FSTL5: variants seen among roughly 807,000 people sequenced by gnomAD.
FSTL5 encodes follistatin like 5, also known as follistatin-related protein 5.
In FSTL5, 62 loss-of-function variants were observed where a neutral mutation model predicts 89.1. The ratio of observed to expected loss-of-function variants is 0.70; its 90% CI spans 0.57 to 0.86. The LOEUF (loss-of-function observed/expected upper bound fraction) is 0.86. Ranked by LOEUF, FSTL5 falls within the 40% of genes least tolerant of loss-of-function variation. The probability of loss-of-function intolerance (pLI) is 0.00; values close to 1 mark genes in which losing one functional copy is unlikely to be tolerated. For missense variants in FSTL5, 1,057 were observed against 1,001.6 expected (o/e 1.06, Z -0.75); for synonymous variants, 383 against 346.2 (o/e 1.11, Z -1.18).
At chr4:161,868,897 T>A (rs2126897835) in intron 4 of FSTL5, among the ~76,000 whole-genome samples, 1 of 152,264 alleles carries the variant, frequency 6.6e-6, no homozygotes, top group East Asian at 1.9e-4. Flanking sequence ...ATATACTAAG[T>A]CATCTAATGC....
chr4:161,463,753 G>A (rs992230614), intron 13 of FSTL5, among the ~76,000 whole-genome samples: 11 of 152,144 alleles, frequency 7.2e-5, no homozygotes, highest in African/African-American at 2.2e-4. Flanking sequence ...TTTGTCACAA[G>A]TGTTGAAATG....
chr4:161,561,103 A>G (rs954446831), intron 8 of FSTL5, among the ~76,000 whole-genome samples: 2 of 151,948 alleles, frequency 1.3e-5, no homozygotes, highest in Admixed American at 1.3e-4. Flanking sequence ...GGAATATTTC[A>G]GCTCCATTAT....
chr4:161,692,635 C>T (rs943446883), intron 6 of FSTL5, among the ~76,000 whole-genome samples: 2 of 152,090 alleles, frequency 1.3e-5, no homozygotes, highest in Non-Finnish European at 2.9e-5. Flanking sequence ...GGGGACAACC[C>T]TATGAGGAGG....
chr4:162,161,448 A>C (rs1733691447), intron 1 of FSTL5, among the ~76,000 whole-genome samples: 1 of 151,952 alleles, frequency 6.6e-6, no homozygotes, highest in Non-Finnish European at 1.5e-5. Flanking sequence ...CTAAAAGTGT[A>C]GAAAAATCAG....
At chr4:161,450,843 A>G (rs969051635) in intron 15 of FSTL5, among the ~76,000 whole-genome samples, 13 of 149,328 alleles carry the variant, frequency 8.7e-5, no homozygotes, top group African/African-American at 3.2e-4. Flanking sequence ...TCCCAGGTTC[A>G]TGGCATTCTC....
chr4:161,754,049 A>AAAAAAG (rs1397363559), intron 6 of FSTL5, among the ~76,000 whole-genome samples: 1 of 150,266 alleles, frequency 6.7e-6, no homozygotes, highest in East Asian at 1.9e-4. Flanking sequence ...CTCAATTAAA[A>AAAAAAG]AAAAAAAAAA....
At chr4:162,074,759 G>A (rs1386027041) in intron 2 of FSTL5, among the ~76,000 whole-genome samples, 4 of 151,586 alleles carry the variant, frequency 2.6e-5, no homozygotes, top group Admixed American at 2.0e-4. Flanking sequence ...ACATACAGAC[G>A]CTCCTTACCT....
chr4:161,694,842 CTTTTTTTTT>C (rs34276732), intron 6 of FSTL5, among the ~76,000 whole-genome samples: 1 of 106,200 alleles, frequency 9.4e-6, no homozygotes, highest in African/African-American at 3.7e-5. Flanking sequence ...TTCTAAATGC[CTTTTTTTTT>C]TTTTTTTTTT....
At chr4:161,696,258 C>G (rs1738161729) in intron 6 of FSTL5, among the ~76,000 whole-genome samples, 1 of 152,056 alleles carries the variant, frequency 6.6e-6, no homozygotes, top group Non-Finnish European at 1.5e-5. Context: ...TATTGAAGAT[C>G]AATTGGCTGT....
At chr4:161,759,696 T>C (rs1382878275) in intron 5 of FSTL5, among the ~76,000 whole-genome samples, 165 bp from the exon 6 acceptor site, 5 of 152,236 alleles carry the variant, frequency 3.3e-5, no homozygotes, top group Admixed American at 3.3e-4. Context: ...ACAATCATTT[T>C]TAACCTTTTC....
At chr4:161,450,747 T>C (rs1464202877) in intron 15 of FSTL5, among the ~76,000 whole-genome samples, 1 of 150,390 alleles carries the variant, frequency 6.6e-6, no homozygotes, top group Non-Finnish European at 1.5e-5. Context: ...CTTCATTTTT[T>C]TTTTTTTTTT....
At chr4:162,050,207 G>C (rs2111255329) in intron 2 of FSTL5, among the ~76,000 whole-genome samples, 1 of 151,608 alleles carries the variant, frequency 6.6e-6, no homozygotes, top group Non-Finnish European at 1.5e-5. Flanking sequence ...AATTAGGGTA[G>C]AAGAATAAAT....
At chr4:162,092,826 GT>G (rs929732857) in intron 2 of FSTL5, among the ~76,000 whole-genome samples, 9 of 151,158 alleles carry the variant, frequency 6.0e-5, no homozygotes, top group Non-Finnish European at 7.4e-5. Flanking sequence ...GTGCGCACCT[GT>G]TATCCCAGCT....
chr4:161,864,722 A>C (rs984228352), intron 4 of FSTL5, among the ~76,000 whole-genome samples: 13 of 152,052 alleles, frequency 8.5e-5, no homozygotes, highest in African/African-American at 1.4e-4. Flanking sequence ...AGACAAAAAA[A>C]TTAGCTGGGT....
At chr4:161,594,729 C>T (rs1483399762) in intron 7 of FSTL5, among the ~76,000 whole-genome samples, 1 of 151,866 alleles carries the variant, frequency 6.6e-6, no homozygotes, top group Non-Finnish European at 1.5e-5. Flanking sequence ...ATGAGCTAGA[C>T]TTTAACTAAT....
chr4:161,959,693 T>C (rs1005591856), intron 3 of FSTL5, among the ~76,000 whole-genome samples: 1 of 152,152 alleles, frequency 6.6e-6, no homozygotes, highest in South Asian at 2.1e-4. Flanking sequence ...GTATGCAGAT[T>C]TTTTTAGACA....
At chr4:161,846,168 T>C (rs185393510) in intron 4 of FSTL5, among the ~76,000 whole-genome samples, 16 of 152,242 alleles carry the variant, frequency 1.1e-4, no homozygotes, top group Non-Finnish European at 1.8e-4. Flanking sequence ...TGGTTTATAA[T>C]GTTATTATTG....
At chr4:161,421,641 G>A (rs1214215882) in intron 15 of FSTL5, among the ~76,000 whole-genome samples, 3 of 152,184 alleles carry the variant, frequency 2.0e-5, no homozygotes, top group Non-Finnish European at 4.4e-5. Context: ...ATGTCTGTGA[G>A]AGTGTTTCTG....
At chr4:161,427,663 C>T (rs1015086058) in intron 15 of FSTL5, among the ~76,000 whole-genome samples, 10 of 152,140 alleles carry the variant, frequency 6.6e-5, no homozygotes, top group African/African-American at 2.2e-4. Flanking sequence ...TGCTTGAAAT[C>T]AGCTTGGTGT....
Sources: gnomAD v4.1 joint callset for allele counts (sites outside exome capture counted in the v4.1 genomes callset) on GRCh38, gnomAD v4.1.1 for gene constraint, MANE v1.5 for transcripts, NCBI Gene and HGNC (gene_info 2026-07-23, HGNC 2026-07-21) for gene names.